Variants in GARNL3 observed in about 807,000 individuals in gnomAD.
GARNL3 encodes the protein GTPase-activating Rap/Ran-GAP domain-like protein 3.
A neutral mutation model predicts 125.0 loss-of-function variants in GARNL3; 63 were observed. The observed-to-expected ratio is 0.50, with a 90% CI of 0.41 to 0.62. GARNL3 has a LOEUF of 0.62. Ranked by LOEUF, GARNL3 falls within the 20% of genes least tolerant of loss-of-function variation. The pLI is 0.00. For missense variants in GARNL3, 994 were observed against 1,244.0 expected, an observed-to-expected ratio of 0.80 and a Z score of 3.02; for synonymous variants, 439 against 457.5, an observed-to-expected ratio of 0.96 and a Z score of 0.52.
upstream of GARNL3, chr9:127,264,341 G>A (rs1273816296): frequency 4.1e-6 from 1 of 241,754 alleles, no homozygotes; most frequent in Non-Finnish European, 7.0e-6. Flanking sequence ...GTGGGTAGCT[G>A]CTGCTATGTA....
At chr9:127,353,256 A>G (rs1290573699) in intron 17 of GARNL3, among the ~76,000 whole-genome samples, 2 of 152,218 alleles carry the variant, frequency 1.3e-5, no homozygotes, top group Non-Finnish European at 2.9e-5. Context: ...TTTTGTCTAA[A>G]AAGGAGATTT....
chr9:127,305,901 A>C (rs1404751297), intron 2 of GARNL3, among the ~76,000 whole-genome samples: 2 of 152,248 alleles, frequency 1.3e-5, no homozygotes, highest in Non-Finnish European at 2.9e-5. Flanking sequence ...TGCCCAGCCC[A>C]GTAATTTTTT....
chr9:127,265,169 G>T, intron 1 of GARNL3, 148 bp downstream of exon 1: 1 of 536,204 alleles, frequency 1.9e-6, no homozygotes, highest in Non-Finnish European at 3.1e-6. Context: ...CTATACAAAG[G>T]CTATGATAAT....
intron 20 of GARNL3, among the ~76,000 whole-genome samples, chr9:127,355,716 T>C (rs540942272): frequency 6.6e-6 from 1 of 152,298 alleles, no homozygotes; most frequent in South Asian, 2.1e-4. Flanking sequence ...AACAAAGTCT[T>C]CTGATGGGGA....
At chr9:127,299,448 C>T (rs2064714932) in intron 2 of GARNL3, among the ~76,000 whole-genome samples, 1 of 152,206 alleles carries the variant, frequency 6.6e-6, no homozygotes, top group South Asian at 2.1e-4. Context: ...AACAAGCAGC[C>T]TTGTGCAATG....
intron 2 of GARNL3, among the ~76,000 whole-genome samples, chr9:127,299,473 C>G (rs551531865): frequency 6.6e-6 from 1 of 152,312 alleles, no homozygotes; most frequent in East Asian, 1.9e-4. Context: ...CATCTTGGCT[C>G]ACTGCAAACT....
chr9:127,389,161 C>G, intron 26 of GARNL3, 42 bp downstream of exon 26: 4 of 1,403,178 alleles, frequency 2.9e-6, no homozygotes, highest in Non-Finnish European at 4.0e-6. Context: ...TGTGAACAGA[C>G]CAGCTGGTTT....
At chr9:127,294,625 T>G (rs562109722) in intron 2 of GARNL3, among the ~76,000 whole-genome samples, 27 of 152,334 alleles carry the variant, frequency 1.8e-4, no homozygotes, top group South Asian at 4.1e-4. Context: ...AGGAGATGAT[T>G]TTAATATTTT....
chr9:127,291,394 G>GAAGGT (rs2064411177), intron 2 of GARNL3, 152 bp downstream of exon 2: 1 of 689,162 alleles, frequency 1.5e-6, no homozygotes, highest in African/African-American at 1.8e-5. Context: ...TTCTGGCATG[G>GAAGGT]AAGGTGCTAT....
intron 22 of GARNL3, among the ~76,000 whole-genome samples, chr9:127,375,308 C>CA (rs374145705): frequency 8.8e-4 from 133 of 151,362 alleles, no homozygotes; most frequent in African/African-American, 2.8e-3. Flanking sequence ...ACTGAAAATA[C>CA]AAAAAAAATT....
At chr9:127,325,251 A>C (rs2065533052) in intron 7 of GARNL3, among the ~76,000 whole-genome samples, 156 bp downstream of exon 7, 1 of 152,182 alleles carries the variant, frequency 6.6e-6, no homozygotes. Flanking sequence ...ACTGGCATGT[A>C]TTTTTAAGGT....
intron 1 of GARNL3, among the ~76,000 whole-genome samples, chr9:127,229,311 GC>G (rs2062963551): frequency 6.6e-6 from 1 of 152,154 alleles, no homozygotes; most frequent in South Asian, 2.1e-4. Flanking sequence ...GCATATGGGT[GC>G]CCCTGCTCCA....
At chr9:127,318,275 A>G in intron 5 of GARNL3, 148 bp downstream of exon 5, 1 of 666,242 alleles carries the variant, frequency 1.5e-6, no homozygotes, top group Non-Finnish European at 2.8e-6. Flanking sequence ...CATGACGTGC[A>G]TCACCTCGTG....
chr9:127,339,284 G>A (rs1208887693), intron 12 of GARNL3, among the ~76,000 whole-genome samples: 25 of 143,494 alleles, frequency 1.7e-4, no homozygotes, highest in South Asian at 6.5e-4. Flanking sequence ...GTGACAGAGC[G>A]AGACTCCGTC....
chr9:127,263,913 T>C (rs545445687), upstream of GARNL3: 15 of 1,470,054 alleles, frequency 1.0e-5, no homozygotes, highest in East Asian at 3.3e-4. Flanking sequence ...CTCTGGTTGC[T>C]AAACATCAGA....
intron 22 of GARNL3, among the ~76,000 whole-genome samples, chr9:127,368,346 TTC>T (rs1831404351): frequency 6.7e-6 from 1 of 150,242 alleles, no homozygotes. Context: ...TTTTTTTTTT[TTC>T]CAGATAGAGT....
intron 16 of GARNL3, among the ~76,000 whole-genome samples, chr9:127,347,826 C>T (rs1830221582): frequency 6.6e-6 from 1 of 152,026 alleles, no homozygotes; most frequent in South Asian, 2.1e-4. Flanking sequence ...TTTAGGGGAT[C>T]TTTTTAGAAC....
chr9:127,388,380 G>C (rs1411708701), intron 25 of GARNL3: 2 of 154,636 alleles, frequency 1.3e-5, no homozygotes, highest in Non-Finnish European at 2.8e-5. Flanking sequence ...TTTCCAACTT[G>C]CAACAGCAGT....
intron 1 of GARNL3, among the ~76,000 whole-genome samples, chr9:127,273,625 C>T (rs750881886): frequency 6.6e-6 from 1 of 152,106 alleles, no homozygotes; most frequent in Non-Finnish European, 1.5e-5. Context: ...TGGCATTATG[C>T]CTTTAACCTG....
Sources: allele counts gnomAD v4.1 joint callset (sites outside exome capture counted in the v4.1 genomes callset), GRCh38; gene constraint gnomAD v4.1.1; transcripts MANE v1.5; gene names NCBI Gene and HGNC (gene_info 2026-07-23, HGNC 2026-07-21).